The following LSAMP variants were observed in gnomAD, a reference collection of about 807,000 sequenced individuals.
LSAMP encodes limbic system-associated membrane protein.
A neutral mutation model predicts 38.6 loss-of-function variants in LSAMP; 7 were observed. The observed-to-expected ratio is 0.18, with a 90% CI of 0.10 to 0.34. The LOEUF (loss-of-function observed/expected upper bound fraction) is 0.34. Among genes scored for constraint, LSAMP ranks in the 10% least tolerant of loss-of-function variants. The pLI, the probability that LSAMP is intolerant of heterozygous loss-of-function variation, is 1.00. For missense variants in LSAMP, 313 were observed against 420.0 expected, an observed-to-expected ratio of 0.75 and a Z score of 2.23; for synonymous variants, 154 against 166.8, an observed-to-expected ratio of 0.92 and a Z score of 0.59.
chr3:116,085,486 C>A (rs981084770), intron 2 of LSAMP, among the ~76,000 whole-genome samples: 3 of 152,188 alleles, frequency 2.0e-5, no homozygotes, highest in Non-Finnish European at 4.4e-5. Flanking sequence ...AATTATAAAT[C>A]AAGAATACAT....
intron 3 of LSAMP, among the ~76,000 whole-genome samples, chr3:115,958,091 T>C (rs1317619415): frequency 6.6e-6 from 1 of 152,196 alleles, no homozygotes; most frequent in African/African-American, 2.4e-5. Context: ...TCTATTCATA[T>C]ATGCACACAC....
intron 6 of LSAMP, among the ~76,000 whole-genome samples, chr3:115,826,910 G>T (rs1232423684): frequency 6.7e-6 from 1 of 148,620 alleles, no homozygotes; most frequent in Admixed American, 6.7e-5. Context: ...TGGGAAGGTT[G>T]ATCTCCCAAC....
At chr3:116,401,206 T>C (rs113694127) in intron 1 of LSAMP, among the ~76,000 whole-genome samples, 21 of 152,336 alleles carry the variant, frequency 1.4e-4, no homozygotes, top group African/African-American at 5.1e-4. Context: ...GAGAGATTTA[T>C]TAAAGAGAAA....
At chr3:116,392,441 ACACT>A (rs759740873) in intron 1 of LSAMP, among the ~76,000 whole-genome samples, 5 of 152,300 alleles carry the variant, frequency 3.3e-5, no homozygotes, top group Non-Finnish European at 7.4e-5. Context: ...GGGGGTGCAC[ACACT>A]CACGGCAACG....
At chr3:115,952,581 A>C (rs1938326390) in intron 3 of LSAMP, among the ~76,000 whole-genome samples, 1 of 152,100 alleles carries the variant, frequency 6.6e-6, no homozygotes, top group Admixed American at 6.6e-5. Flanking sequence ...TGGTGAGAGG[A>C]GGGTGAGAGA....
chr3:116,080,911 T>C (rs1707856872), intron 2 of LSAMP, among the ~76,000 whole-genome samples: 1 of 152,170 alleles, frequency 6.6e-6, no homozygotes, highest in South Asian at 2.1e-4. Flanking sequence ...TAAAATTTTA[T>C]AGGCAATGTA....
chr3:116,019,146 T>G (rs1940564570), intron 3 of LSAMP, among the ~76,000 whole-genome samples: 1 of 75,312 alleles, frequency 1.3e-5, no homozygotes, highest in Admixed American at 1.7e-4. Context: ...CTGTATTTGT[T>G]GCATTGTGGG....
At chr3:116,385,019 G>A (rs1186871944) in intron 1 of LSAMP, among the ~76,000 whole-genome samples, 2 of 151,928 alleles carry the variant, frequency 1.3e-5, no homozygotes, top group South Asian at 2.1e-4. Context: ...ACAAGCAGGG[G>A]TGCATGTAAG....
chr3:116,408,760 T>C (rs1206610166), intron 1 of LSAMP, among the ~76,000 whole-genome samples: 10 of 152,068 alleles, frequency 6.6e-5, no homozygotes, highest in Admixed American at 1.3e-4. Flanking sequence ...AAGAGAATAA[T>C]AACTACATAA....
At chr3:116,148,267 T>C (rs1709532771) in intron 1 of LSAMP, among the ~76,000 whole-genome samples, 1 of 151,992 alleles carries the variant, frequency 6.6e-6, no homozygotes, top group Non-Finnish European at 1.5e-5. Context: ...ATTAATCATT[T>C]AGTGGATGTC....
intron 1 of LSAMP, among the ~76,000 whole-genome samples, chr3:116,354,845 A>ATGTG (rs56975134): frequency 0.077 from 11,272 of 146,308 alleles, 555 homozygotes; most frequent in African/African-American, 0.15. Context: ...GGGTGTATAT[A>ATGTG]TGTGTGTGTG....
At chr3:115,983,140 T>G (rs1939412513) in intron 3 of LSAMP, among the ~76,000 whole-genome samples, 1 of 152,018 alleles carries the variant, frequency 6.6e-6, no homozygotes, top group African/African-American at 2.4e-5. Flanking sequence ...CTTTCTGAGA[T>G]GCAAAAAGGA....
chr3:116,059,001 G>A (rs1941545072), intron 2 of LSAMP, among the ~76,000 whole-genome samples: 1 of 151,914 alleles, frequency 6.6e-6, no homozygotes, highest in Non-Finnish European at 1.5e-5. Flanking sequence ...AGACATCATG[G>A]CAGATGCCTT....
chr3:115,908,306 C>A (rs1937059181), intron 3 of LSAMP, among the ~76,000 whole-genome samples: 1 of 152,032 alleles, frequency 6.6e-6, no homozygotes, highest in Admixed American at 6.6e-5. Context: ...TTTTAGTTTA[C>A]CCTAAACTTT....
At chr3:116,420,402 C>A (rs1559861869) in intron 1 of LSAMP, among the ~76,000 whole-genome samples, 1 of 151,914 alleles carries the variant, frequency 6.6e-6, no homozygotes, top group Non-Finnish European at 1.5e-5. Flanking sequence ...CCAGCCCAAA[C>A]CCATTTTTTC....
At chr3:116,276,148 C>T (rs570981530) in intron 1 of LSAMP, among the ~76,000 whole-genome samples, 4 of 152,078 alleles carry the variant, frequency 2.6e-5, no homozygotes, top group Admixed American at 6.5e-5. Flanking sequence ...TACTTTAATA[C>T]ATAAAAAAAT....
chr3:116,193,029 T>C (rs912825762), intron 1 of LSAMP, among the ~76,000 whole-genome samples: 5 of 152,202 alleles, frequency 3.3e-5, no homozygotes, highest in Admixed American at 6.5e-5. Flanking sequence ...TAGTTTCCTG[T>C]ACAATTACAA....
chr3:115,946,778 T>A (rs921928494), intron 3 of LSAMP, among the ~76,000 whole-genome samples: 1 of 152,142 alleles, frequency 6.6e-6, no homozygotes, highest in Non-Finnish European at 1.5e-5. Context: ...AAAATTATTT[T>A]TTGAGGTCAC....
At chr3:116,330,852 C>CA (rs1467141510) in intron 1 of LSAMP, among the ~76,000 whole-genome samples, 1 of 151,864 alleles carries the variant, frequency 6.6e-6, no homozygotes, top group Non-Finnish European at 1.5e-5. Flanking sequence ...TTTTCAACAA[C>CA]AAAAAATCAT....
Sources: allele counts gnomAD v4.1 joint callset (sites outside exome capture counted in the v4.1 genomes callset), GRCh38; gene constraint gnomAD v4.1.1; transcripts MANE v1.5; gene names NCBI Gene and HGNC (gene_info 2026-07-23, HGNC 2026-07-21).